Variants in SLC44A2 observed in about 807,000 individuals in gnomAD.
SLC44A2 encodes the protein choline transporter-like protein 2.
A neutral mutation model predicts 90.8 loss-of-function variants in SLC44A2; 57 were observed. The ratio of observed to expected loss-of-function variants is 0.63; its 90% confidence interval spans 0.51 to 0.78. SLC44A2 has a LOEUF of 0.78. Among genes scored for constraint, SLC44A2 ranks in the 30% least tolerant of loss-of-function variants. The pLI is 0.00. For synonymous variants in SLC44A2, 355 were observed against 360.7 expected (o/e 0.98, Z 0.18); for missense variants, 794 against 919.7 (o/e 0.86, Z 1.77).
intron 1 of SLC44A2, among the ~76,000 whole-genome samples, chr19:10,609,726 A>G (rs991141934): frequency 6.6e-6 from 1 of 152,130 alleles, no homozygotes; most frequent in African/African-American, 2.4e-5. Flanking sequence ...CAGCCTCTCA[A>G]GGTACTGAGA....
At chr19:10,619,560 G>C (rs957315940) in intron 1 of SLC44A2, among the ~76,000 whole-genome samples, 1 of 151,852 alleles carries the variant, frequency 6.6e-6, no homozygotes, top group African/African-American at 2.4e-5. Flanking sequence ...TATTGCCCAG[G>C]CTAGTGTTGA....
intron 2 of SLC44A2, among the ~76,000 whole-genome samples, chr19:10,627,492 GATC>G (rs2066946338): frequency 1.3e-5 from 2 of 152,120 alleles, no homozygotes; most frequent in Admixed American, 6.6e-5. Context: ...AGTGAGCTAT[GATC>G]ATGCCACTGT....
At chr19:10,643,187 C>T in intron 21 of SLC44A2, 92 bp from the exon 22 acceptor site, 1 of 1,496,352 alleles carries the variant, frequency 6.7e-7, no homozygotes, top group Non-Finnish European at 8.9e-7. Context: ...CCCTCTGAGG[C>T]TTCTCTGTGA....
In SLC44A2 at chr19:10,643,099, C is replaced by T. The variant is rs569973788; in HGVS notation, c.2015-180C>T. Reference sequence around the variant, plus strand: ...ATGAAGCGGGGGGGTTCCTGGCCTGCGAGTGTGGGGATCCTGTGTGTCCCT... The same window carrying T: ...ATGAAGCGGGGGGGTTCCTGGCCTGTGAGTGTGGGGATCCTGTGTGTCCCT... On this transcript the variant is annotated intron_variant, in intron 21 of 21. Transcript: ENST00000335757. 4.1e-6 allele frequency: 6 copies of T among 1,451,410 alleles called. No individual in the cohort carries two copies. In the Admixed American group the frequency reaches 7.9e-5, roughly 19 times the overall value. 89.9% of individuals were successfully genotyped at this position (1,451,410 alleles called of 1,614,324 possible).
chr19:10,627,866 C>A, intron 3 of SLC44A2, 54 bp from the exon 4 acceptor site: 1 of 1,611,392 alleles, frequency 6.2e-7, no homozygotes, highest in East Asian at 2.2e-5. Context: ...GGAGTGGGAA[C>A]AGGGCTGGAT....
intron 1 of SLC44A2, among the ~76,000 whole-genome samples, chr19:10,612,796 C>T (rs1345612653): frequency 6.6e-6 from 1 of 152,246 alleles, no homozygotes. Flanking sequence ...CCGAAGGCTG[C>T]CTCTCCCAAT....
At chr19:10,643,187 C>A (rs2067136862) in intron 21 of SLC44A2, 92 bp from the exon 22 acceptor site, 2 of 1,496,352 alleles carry the variant, frequency 1.3e-6, no homozygotes, top group African/African-American at 1.4e-5. Context: ...CCCTCTGAGG[C>A]TTCTCTGTGA....
intron 1 of SLC44A2, among the ~76,000 whole-genome samples, chr19:10,612,719 A>T (rs1019376377): frequency 1.3e-5 from 2 of 152,224 alleles, no homozygotes; most frequent in Non-Finnish European, 2.9e-5. Flanking sequence ...AGGCTGTGGC[A>T]GTTCTCTTAT....
chr19:10,618,496 T>C (rs1308307953), intron 1 of SLC44A2, among the ~76,000 whole-genome samples: 2 of 62,946 alleles, frequency 3.2e-5, no homozygotes, highest in African/African-American at 7.4e-5. Flanking sequence ...TTTTTTTTTT[T>C]TGAGACGGAG....
chr19:10,621,728 C>A (rs938586276), upstream of SLC44A2, among the ~76,000 whole-genome samples: 1 of 152,188 alleles, frequency 6.6e-6, no homozygotes, highest in Non-Finnish European at 1.5e-5. Context: ...AAGCGATTCT[C>A]GTGCCTCAGC....
At position 10,637,819 on chromosome 19, in the gene SLC44A2, C is replaced by T. The variant is rs747572483; in HGVS notation, c.1696-37C>T. 1.6e-5 allele frequency: 26 copies of T among 1,613,348 alleles called. 1 individual carries two copies. The highest frequency in any genetic ancestry group is 1.4e-4 in the South Asian group (13 of 91,068). On this transcript the variant is annotated intron_variant, in intron 17 of 21. Transcript: ENST00000335757. ...TGAGAGGACCACCCCCCATGCCCAC[C>T]CAGTGGGTCTGATCTCTCCCTCCCA...
In SLC44A2 at chr19:10,635,193, C is replaced by T. The variant is rs114883380; in HGVS notation, c.1086C>T (p.Leu362=). 2.5e-6 allele frequency: 4 copies of T among 1,614,036 alleles called. No individual in the cohort carries two copies. The highest frequency in any genetic ancestry group is 1.1e-5 in the South Asian group (1 of 91,076). ...TGGGATACGTCATGTGCTCCTTGCT[C>T]TACCCACTGGTCACCTTCTTCTTGC... ...RAVGYVMCSL[L]YPLVTFFLLC... The change falls in exon 13 of 22, where the codon CTC becomes CTT. Residue 362 remains leucine, a synonymous_variant. Transcript: ENST00000335757.
intron 1 of SLC44A2, among the ~76,000 whole-genome samples, chr19:10,612,456 G>A (rs1015642007): frequency 2.6e-5 from 4 of 152,148 alleles, no homozygotes; most frequent in African/African-American, 4.8e-5. Context: ...TACAGTAGGC[G>A]CTCTATCTTT....
chr19:10,639,538 TG>T (rs2067094191), intron 20 of SLC44A2, among the ~76,000 whole-genome samples: 1 of 151,412 alleles, frequency 6.6e-6, no homozygotes, highest in East Asian at 1.9e-4. Flanking sequence ...GGCCCTGAGG[TG>T]GGAGTGTGCC....
At chr19:10,628,414 G>A (rs187257309) in intron 4 of SLC44A2, among the ~76,000 whole-genome samples, 69 of 152,230 alleles carry the variant, frequency 4.5e-4, no homozygotes, top group Non-Finnish European at 9.1e-4. Context: ...TTAAGTGGAC[G>A]TGGTGGGGCA....
chr19:10,633,565 C>T (rs2067019869), intron 10 of SLC44A2, among the ~76,000 whole-genome samples: 1 of 152,100 alleles, frequency 6.6e-6, no homozygotes, highest in African/African-American at 2.4e-5. Flanking sequence ...AAGTGATCCT[C>T]CCGTCTTGGC....
upstream of SLC44A2, chr19:10,625,547 G>A: frequency 1.6e-6 from 2 of 1,230,662 alleles, no homozygotes; most frequent in Non-Finnish European, 2.0e-6. Flanking sequence ...CGCCAGTCGC[G>A]CGGTCAGTGC....
At chr19:10,616,475 TCTC>T (rs1461675970) in intron 1 of SLC44A2, among the ~76,000 whole-genome samples, 1 of 152,040 alleles carries the variant, frequency 6.6e-6, no homozygotes, top group Admixed American at 6.6e-5. Flanking sequence ...CTGCTCTTGA[TCTC>T]CTGGACTCAA....
chr19:10,641,393 CAA>C, intron 20 of SLC44A2: 2 of 324,736 alleles, frequency 6.2e-6, no homozygotes, highest in African/African-American at 3.1e-5. Flanking sequence ...GACCCTGTCT[CAA>C]AAAAAAAACA....
Sources: gnomAD v4.1 joint callset for allele counts (sites outside exome capture counted in the v4.1 genomes callset) on GRCh38, gnomAD v4.1.1 for gene constraint, MANE v1.5 for transcripts, NCBI Gene and HGNC (gene_info 2026-07-23, HGNC 2026-07-21) for gene names.